The following NAPA variants were observed in gnomAD, a reference collection of about 807,000 sequenced individuals.
NAPA encodes alpha-soluble NSF attachment protein.
NAPA carries 18 observed loss-of-function variants against 48.0 expected under a neutral mutation model. That is an observed-to-expected ratio of 0.38 (90% CI 0.26 to 0.56). The LOEUF (loss-of-function observed/expected upper bound fraction) is 0.56, where lower values mean the gene tolerates loss of function less well. NAPA is among the 20% of genes least tolerant of loss of function. The pLI is 0.77. For synonymous variants in NAPA, 152 were observed against 149.9 expected (o/e 1.01, Z -0.10); for missense variants, 315 against 385.0 (o/e 0.82, Z 1.52).
intron 3 of NAPA, chr19:47,496,547 A>C (rs1445987728): frequency 6.0e-6 from 1 of 166,278 alleles, no homozygotes; most frequent in African/African-American, 2.4e-5. Flanking sequence ...GGGGAGAGGG[A>C]AAGGCAGGGA....
At chr19:47,489,593 A>G in intron 10 of NAPA, 118 bp downstream of exon 10, 1 of 1,159,948 alleles carries the variant, frequency 8.6e-7, no homozygotes, top group Non-Finnish European at 1.3e-6. Context: ...AGAACTTCAC[A>G]GTGGGCTGGG....
chr19:47,514,030 G>A (rs1968857519), intron 1 of NAPA, among the ~76,000 whole-genome samples: 1 of 151,410 alleles, frequency 6.6e-6, no homozygotes, highest in Non-Finnish European at 1.5e-5. Context: ...TGTATTTTTA[G>A]TAGAGACGGG....
At chr19:47,500,787 G>A (rs780237864) in intron 2 of NAPA, 38 bp from the exon 3 acceptor site, 2 of 1,483,650 alleles carry the variant, frequency 1.3e-6, no homozygotes, top group Non-Finnish European at 1.8e-6. Flanking sequence ...GCCTCAGTGG[G>A]GCTCCACACT....
chr19:47,506,452 A>G lies in NAPA; in HGVS notation c.99-2950T>C, dbSNP rs763355074. On this transcript the variant is annotated intron_variant, in intron 1 of 10. Coordinates refer to ENST00000263354, the MANE Select transcript of NAPA (RefSeq NM_003827.4). The surrounding 1 kb of genome is among the most constrained non-coding windows in gnomAD (Gnocchi z 4.0). ...AATGTTCTCTTAAAGGGACATTTTC[A>G]GACCTTAATCACAGGTCTGCCCACC... Among the ~76,000 whole-genome samples the G allele has an allele frequency of 1.3e-5, 2 of 152,212 alleles. No homozygotes were observed. The highest frequency in any genetic ancestry group is 2.9e-5 in the Non-Finnish European group (2 of 68,030).
In NAPA at chr19:47,503,569, G is replaced by C. The variant is rs576819158; in HGVS notation, c.99-67C>G. 154 of 1,469,342 alleles carry C rather than the reference G, an allele frequency of 1.0e-4. No homozygotes were observed. The African/African-American group carries it at 1.9e-3, about 18-fold the overall frequency. The allele number at this position is 1,469,342 out of a possible 1,614,324, so 91.0% of individuals were successfully genotyped here. Reference sequence around the variant, plus strand: ...CTATCCAGGAGAAAGCAAGCATTCTGCTCCAGTGCCGGGCACAGACGTGCC... The same window carrying C: ...CTATCCAGGAGAAAGCAAGCATTCTCCTCCAGTGCCGGGCACAGACGTGCC... On this transcript the variant is annotated intron_variant, in intron 1 of 10. Transcript: ENST00000263354.
At position 47,493,163 on chromosome 19, in the gene NAPA, G is replaced by A; in HGVS notation, c.432C>T (p.His144=). The A allele has an allele frequency of 6.3e-7, 1 of 1,597,534 alleles. No individual in the cohort carries two copies. Among genetic ancestry groups the A allele is most frequent in the Non-Finnish European group, 8.5e-7 (1 of 1,170,160 alleles). ...ELVDIEKAIA[H]YEQSADYYKG... is the part of the protein sequence containing the mutation. Reference sequence around the variant, plus strand: ...TGTAGTAGTCTGCAGACTGCTCGTAGTGGGCAATGGCCTGGGGAGACACGG... The same window carrying A: ...TGTAGTAGTCTGCAGACTGCTCGTAATGGGCAATGGCCTGGGGAGACACGG... The change falls in exon 6 of 11, where the codon CAC becomes CAT. Residue 144 remains histidine, a synonymous_variant. Coordinates refer to ENST00000263354, the MANE Select transcript of NAPA (RefSeq NM_003827.4). This position sits in a 1 kb window ranked among gnomAD's most constrained non-coding sequence, Gnocchi z 6.4.
chr19:47,510,099 T>C (rs527685337), intron 1 of NAPA, among the ~76,000 whole-genome samples: 17 of 152,270 alleles, frequency 1.1e-4, no homozygotes, highest in African/African-American at 3.9e-4. Flanking sequence ...AAGTTTTCAG[T>C]TGTGGATCTT....
At position 47,492,208 on chromosome 19, in the gene NAPA, A is replaced by G. The variant is rs1968288735; in HGVS notation, c.562-89T>C. The G allele has an allele frequency of 5.0e-6, 6 of 1,189,056 alleles. No homozygotes were observed. The South Asian group carries it at 8.0e-5, about 16-fold the overall frequency. 73.7% of individuals were successfully genotyped at this position (1,189,056 alleles called of 1,614,324 possible). On this transcript the variant is annotated intron_variant, in intron 7 of 10. Coordinates refer to ENST00000263354, the MANE Select transcript of NAPA (RefSeq NM_003827.4). ...GCCAGGCACTGGGGGGCCAGCTGGG[A>G]GCTGGTTCATGTCCCGAGGTGAGGC... is the stretch of plus-strand genomic sequence containing the variant.
chr19:47,490,201 GT>G (rs914158579), intron 9 of NAPA, among the ~76,000 whole-genome samples: 1 of 147,976 alleles, frequency 6.8e-6, no homozygotes, highest in Non-Finnish European at 1.5e-5. Context: ...TGCAATGTGT[GT>G]GTGTGGGGTG....
intron 2 of NAPA, among the ~76,000 whole-genome samples, chr19:47,501,200 C>T (rs983210924): frequency 6.6e-6 from 1 of 152,164 alleles, no homozygotes; most frequent in African/African-American, 2.4e-5. Context: ...CACCTCCCGG[C>T]CTGGGCAGTC....
rs756883314 is a variant in NAPA, at chr19:47,495,581, A to C, written c.311T>G (p.Leu104Trp). ...TGTGTAGATCTCGATTGCTCGCATC[A>C]AACAGTTAATGGCCTCTGGAGAGAA... is the stretch of plus-strand genomic sequence containing the variant. ...KADPQEAINC[L>W]MRAIEIYTDM... Residue 104 changes from leucine to tryptophan, a missense_variant, in exon 4 of 11, where the codon TTG (leucine) becomes TGG (tryptophan). Around this residue, in one of 3 missense-constraint regions of NAPA, gnomAD observed 173 missense variants for 213.5 expected, o/e 0.81. Coordinates refer to ENST00000263354, the MANE Select transcript of NAPA (RefSeq NM_003827.4). The C allele has an allele frequency of 1.3e-6, 2 of 1,516,566 alleles. No individual in the cohort carries two copies. Among genetic ancestry groups the C allele is most frequent in the Non-Finnish European group, 1.8e-6 (2 of 1,133,928 alleles). The allele number at this position is 1,516,566 out of a possible 1,614,324, so 93.9% of individuals were successfully genotyped here.
Position 47,500,657 on chromosome 19 carries a change from C to T in NAPA, c.271G>A (p.Ala91Thr), listed in dbSNP as rs184984599. Residue 91 changes from alanine (A) to threonine (T), a missense_variant, in exon 3 of 11, where the codon GCA becomes ACA. Transcript: ENST00000263354. ...CCTTGGGGGTCGGCTTTCTTGAATG[C>T]GTTGCCAGCGTCCACAAAGCAGGTG... ...AATCFVDAGN[A>T]FKKADPQEAI... is the part of the protein sequence containing the mutation. 26 of 1,610,264 alleles carry T rather than the reference C, an allele frequency of 1.6e-5. No individual in the cohort carries two copies. The highest frequency in any genetic ancestry group is 2.7e-5 in the African/African-American group (2 of 74,832).
chr19:47,486,325 A>G (rs906534111), downstream of NAPA, among the ~76,000 whole-genome samples: 7 of 152,100 alleles, frequency 4.6e-5, no homozygotes, highest in African/African-American at 1.7e-4. Flanking sequence ...ACTGCACTCC[A>G]GCCTGGGCGA....
downstream of NAPA, among the ~76,000 whole-genome samples, chr19:47,486,228 G>C (rs780709223): frequency 1.3e-5 from 2 of 152,066 alleles, no homozygotes; most frequent in Non-Finnish European, 2.9e-5. Context: ...GGTGGCGCAC[G>C]CTTGTAATCC....
chr19:47,504,397 C>CAAAAAAAAA (rs11367620), intron 1 of NAPA, among the ~76,000 whole-genome samples: 5 of 57,202 alleles, frequency 8.7e-5, no homozygotes, highest in African/African-American at 1.3e-4. Flanking sequence ...GACCTTGTCT[C>CAAAAAAAAA]AAAAAAAAAA....
At chr19:47,489,540 G>A (rs780081917) in intron 10 of NAPA, 171 bp downstream of exon 10, 26 of 720,216 alleles carry the variant, frequency 3.6e-5, no homozygotes, top group Admixed American at 1.6e-4. Flanking sequence ...CACTCCCTGC[G>A]CCTCTTGGCG....
chr19:47,488,591 C>T (rs2122717577), intron 10 of NAPA: 1 of 400,480 alleles, frequency 2.5e-6, no homozygotes, highest in African/African-American at 2.1e-5. Context: ...CATCATTTCC[C>T]TTGGGGGAGA....
chr19:47,501,890 A>G (rs1474175826), intron 2 of NAPA, among the ~76,000 whole-genome samples: 2 of 152,208 alleles, frequency 1.3e-5, no homozygotes, highest in Non-Finnish European at 2.9e-5. Context: ...AGCAGAAAAG[A>G]CAAAGCCTTC....
rs763062573 is a variant in NAPA, at chr19:47,492,068, A to C, written c.613T>G (p.Tyr205Asp). 32 of 1,613,992 alleles carry C rather than the reference A, an allele frequency of 2.0e-5. No individual in the cohort carries two copies. Among genetic ancestry groups the C allele is most frequent in the South Asian group, 6.6e-5 (6 of 91,086 alleles). Residue 205 changes from tyrosine to aspartate, a missense_variant, in exon 8 of 11, where the codon TAC (tyrosine) becomes GAC (aspartate). Around this residue, in one of 3 missense-constraint regions of NAPA, gnomAD observed 137 missense variants for 150.1 expected, o/e 0.91. Transcript: ENST00000263354. ...TGGCAGAGGGCCGCCTTGAAGAAGT[A>C]GTCTTTGGCGCTGTACTTGAGGAGG... The part of the protein sequence containing the change: ...SPLLKYSAKD[Y>D]FFKAALCHFC...
Sources: allele counts gnomAD v4.1 joint callset (sites outside exome capture counted in the v4.1 genomes callset), GRCh38; gene constraint gnomAD v4.1.1; regional missense constraint gnomAD v4.1.1; non-coding constraint Gnocchi (gnomAD v3.1); transcripts MANE v1.5; gene names NCBI Gene and HGNC (gene_info 2026-07-23, HGNC 2026-07-21).